The following KCNJ10 variants were observed in gnomAD, a reference collection of about 807,000 sequenced individuals.
KCNJ10 encodes potassium inwardly rectifying channel subfamily J member 10.
KCNJ10 carries 9 observed loss-of-function variants against 22.2 expected under a neutral mutation model. That is an observed-to-expected ratio of 0.40 (90% confidence interval 0.24 to 0.71). The LOEUF (loss-of-function observed/expected upper bound fraction) is 0.71. KCNJ10 is among the 30% of genes least tolerant of loss of function. The pLI is 0.35. For synonymous variants in KCNJ10, 184 were observed against 187.3 expected (o/e 0.98, Z 0.15); for missense variants, 337 against 482.7 (o/e 0.70, Z 2.83).
intron 1 of KCNJ10, chr1:160,063,448 G>A (rs1571275930): frequency 1.3e-5 from 2 of 152,278 alleles, no homozygotes; most frequent in East Asian, 3.8e-4. Context: ...CAATCTCTGG[G>A]CTTGAAAATG....
chr1:160,055,620 C>T (rs7535435), intron 1 of KCNJ10, among the ~76,000 whole-genome samples: 70,019 of 151,938 alleles, frequency 0.46, 16,286 homozygotes, highest in Non-Finnish European at 0.47. Context: ...ACAGAGGTGA[C>T]GGGAGAGTTC....
chr1:160,066,723 G>A (rs1649329612), intron 1 of KCNJ10, among the ~76,000 whole-genome samples: 1 of 152,212 alleles, frequency 6.6e-6, no homozygotes. Context: ...CAGCAAGAGA[G>A]AGGTGCAGCA....
intron 1 of KCNJ10, among the ~76,000 whole-genome samples, chr1:160,054,635 G>A (rs901134952): frequency 6.6e-6 from 1 of 152,206 alleles, no homozygotes; most frequent in Admixed American, 6.5e-5. Context: ...GAGAGTCAAG[G>A]TGATAAACGA....
At chr1:160,062,245 G>A (rs534875875) in intron 1 of KCNJ10, among the ~76,000 whole-genome samples, 24 of 152,224 alleles carry the variant, frequency 1.6e-4, no homozygotes, top group African/African-American at 5.5e-4. Context: ...TGGGCCCTCC[G>A]GACACTGGGG....
intron 1 of KCNJ10, among the ~76,000 whole-genome samples, chr1:160,051,719 C>A (rs963646926): frequency 4.6e-5 from 7 of 152,012 alleles, no homozygotes; most frequent in Admixed American, 6.6e-5. Flanking sequence ...GCTGCTTGAT[C>A]CCATTGTTTC....
chr1:160,057,020 A>C (rs1649058153), intron 1 of KCNJ10, among the ~76,000 whole-genome samples: 1 of 152,198 alleles, frequency 6.6e-6, no homozygotes, highest in African/African-American at 2.4e-5. Context: ...GCTATTTGCC[A>C]TCCTGTCTGT....
intron 1 of KCNJ10, among the ~76,000 whole-genome samples, chr1:160,067,727 C>T (rs889328520): frequency 3.9e-5 from 6 of 152,172 alleles, no homozygotes; most frequent in African/African-American, 1.4e-4. Context: ...CTCTTTTCCT[C>T]CCCACCAATG....
chr1:160,062,916 A>G (rs1178722299), intron 1 of KCNJ10, among the ~76,000 whole-genome samples: 1 of 152,088 alleles, frequency 6.6e-6, no homozygotes, highest in African/African-American at 2.4e-5. Flanking sequence ...TGGAGGCTGA[A>G]GAAGCTACTA....
In KCNJ10 at chr1:160,046,481, A is replaced by G. The variant is rs1340855399; in HGVS notation, c.1-3949T>C. Among the ~76,000 whole-genome samples, 4 of 152,154 alleles carry G rather than the reference A, an allele frequency of 2.6e-5. No homozygotes were observed. The East Asian group carries it at 7.7e-4, about 29-fold the overall frequency. ...CCTCATGCTCTCAGCAGGTGCCACTATGGTACGCTGTATGTAAGACCACAC... is the reference window on the plus strand; with the variant it reads ...CCTCATGCTCTCAGCAGGTGCCACTGTGGTACGCTGTATGTAAGACCACAC... On this transcript the variant is annotated intron_variant, in intron 1 of 1. Transcript: ENST00000644903.
chr1:160,064,377 A>G (rs1451349793), intron 1 of KCNJ10, among the ~76,000 whole-genome samples: 1 of 152,256 alleles, frequency 6.6e-6, no homozygotes, highest in African/African-American at 2.4e-5. Flanking sequence ...ATGCAGAAGC[A>G]GATGAGAAAG....
At chr1:160,050,424 T>C (rs1388968892) in intron 1 of KCNJ10, among the ~76,000 whole-genome samples, 4 of 152,152 alleles carry the variant, frequency 2.6e-5, no homozygotes, top group African/African-American at 9.7e-5. Flanking sequence ...TGAGTCATCA[T>C]GCCCAGCCTC....
At chr1:160,055,151 A>G (rs1648997960) in intron 1 of KCNJ10, among the ~76,000 whole-genome samples, 2 of 152,206 alleles carry the variant, frequency 1.3e-5, no homozygotes, top group African/African-American at 2.4e-5. Flanking sequence ...CCTATTGGCA[A>G]TATCAAAGGG....
At chr1:160,064,953 C>G (rs1649285503) in intron 1 of KCNJ10, 1 of 152,280 alleles carries the variant, frequency 6.6e-6, no homozygotes, top group Non-Finnish European at 1.5e-5. Flanking sequence ...TCAGACTAGA[C>G]TCTGACCTTT....
chr1:160,060,814 G>A (rs553021799), intron 1 of KCNJ10, among the ~76,000 whole-genome samples: 29 of 152,288 alleles, frequency 1.9e-4, no homozygotes, highest in South Asian at 1.7e-3. Flanking sequence ...TCGTGCAGAC[G>A]TAGGATAATA....
At chr1:160,059,374 A>T (rs1649128460) in intron 1 of KCNJ10, among the ~76,000 whole-genome samples, 1 of 152,186 alleles carries the variant, frequency 6.6e-6, no homozygotes, top group Non-Finnish European at 1.5e-5. Flanking sequence ...CTGGTAGCTC[A>T]TGTTATTTTA....
chr1:160,057,601 C>A (rs1649071778), intron 1 of KCNJ10, among the ~76,000 whole-genome samples: 1 of 152,232 alleles, frequency 6.6e-6, no homozygotes, highest in African/African-American at 2.4e-5. Flanking sequence ...CTGCCCCCAG[C>A]CTCAGGAGTA....
chr1:160,041,588 G>T lies in KCNJ10; in HGVS notation c.945C>A (p.Ile315=). ...TGTATTTACCACTGGCTGACAGTGA[G>T]ATGGCAGGTGTGAACTCGTAGCCCC... ...ILWGYEFTPA[I]SLSASGKYIA... The change falls in exon 2 of 2, where the codon ATC becomes ATA. Residue 315 remains isoleucine, a synonymous_variant. Coordinates refer to ENST00000644903, the MANE Select transcript of KCNJ10 (RefSeq NM_002241.5). This position sits in a 1 kb window ranked among gnomAD's most constrained non-coding sequence, Gnocchi z 4.4. 1.2e-6 allele frequency: 2 copies of T among 1,614,240 alleles called. No homozygotes were observed. The highest frequency in any genetic ancestry group is 4.5e-5 in the East Asian group (2 of 44,878).
intron 1 of KCNJ10, among the ~76,000 whole-genome samples, chr1:160,069,529 C>T (rs970124889): frequency 1.3e-5 from 2 of 151,336 alleles, no homozygotes; most frequent in Non-Finnish European, 2.9e-5. Flanking sequence ...GGTGGCTCCC[C>T]GGTTTAAGCT....
At chr1:160,063,718 ACT>A (rs1404402289) in intron 1 of KCNJ10, 4 of 152,028 alleles carry the variant, frequency 2.6e-5, no homozygotes, top group African/African-American at 9.7e-5. Flanking sequence ...AACCCTGTCA[ACT>A]CTCTCTGGGA....
Sources: gnomAD v4.1 joint callset for allele counts (sites outside exome capture counted in the v4.1 genomes callset) on GRCh38, gnomAD v4.1.1 for gene constraint, Gnocchi (gnomAD v3.1) non-coding constraint, MANE v1.5 for transcripts, NCBI Gene and HGNC (gene_info 2026-07-23, HGNC 2026-07-21) for gene names.